LCMT1: variants seen among roughly 807,000 people sequenced by gnomAD.
LCMT1 encodes the protein leucine carboxyl methyltransferase 1, also known as [Phosphatase 2A protein]-leucine-carboxy methyltransferase 1.
A neutral mutation model predicts 47.7 loss-of-function variants in LCMT1; 32 were observed. The observed-to-expected ratio is 0.67, with a 90% CI of 0.51 to 0.90. The LOEUF (loss-of-function observed/expected upper bound fraction) is 0.90. LCMT1 is among the 40% of genes least tolerant of loss of function. The pLI, the probability that LCMT1 is intolerant of heterozygous loss-of-function variation, is 0.00. For missense variants in LCMT1, 375 were observed against 415.2 expected (o/e 0.90, Z 0.84); for synonymous variants, 152 against 149.7 (o/e 1.02, Z -0.11).
intron 4 of LCMT1, chr16:25,142,035 G>A (rs1441025762): frequency 6.6e-6 from 1 of 152,208 alleles, no homozygotes; most frequent in East Asian, 1.9e-4. Context: ...ATTCCTTATT[G>A]CGTTGTACAT....
At chr16:25,160,302 G>A (rs138252549) in intron 5 of LCMT1, among the ~76,000 whole-genome samples, 1,395 of 37,906 alleles carry the variant, frequency 0.037, 27 homozygotes, top group African/African-American at 0.12. Flanking sequence ...AATTTGGGGT[G>A]GAGCCTATCA....
At chr16:25,128,000 A>C (rs1019236938) in intron 1 of LCMT1, among the ~76,000 whole-genome samples, 2 of 152,208 alleles carry the variant, frequency 1.3e-5, no homozygotes, top group African/African-American at 4.8e-5. Context: ...AAGAAGAGTG[A>C]AATGATTGGC....
At chr16:25,177,655 C>T (rs1031558204) in intron 10 of LCMT1, among the ~76,000 whole-genome samples, 5 of 152,220 alleles carry the variant, frequency 3.3e-5, no homozygotes, top group African/African-American at 1.2e-4. Flanking sequence ...TTTGTCCCCA[C>T]TGACCCGTGA....
At chr16:25,158,453 G>A (rs1361216300) in intron 5 of LCMT1, among the ~76,000 whole-genome samples, 1 of 152,200 alleles carries the variant, frequency 6.6e-6, no homozygotes, top group Admixed American at 6.5e-5. Context: ...TCTTTAGAAA[G>A]TTCTGTAAGT....
intron 5 of LCMT1, among the ~76,000 whole-genome samples, chr16:25,152,094 A>C (rs1961099697): frequency 6.6e-6 from 1 of 152,146 alleles, no homozygotes; most frequent in Non-Finnish European, 1.5e-5. Context: ...CAAAAGGTGA[A>C]GCAGAGGACA....
intron 1 of LCMT1, among the ~76,000 whole-genome samples, chr16:25,112,925 G>A (rs1038987756): frequency 2.6e-5 from 4 of 151,940 alleles, no homozygotes; most frequent in African/African-American, 9.7e-5. Flanking sequence ...GGCAGATCAC[G>A]AGGTCAGGAG....
At position 25,140,209 on chromosome 16, in the gene LCMT1, C is replaced by G. The variant is rs1960640215; in HGVS notation, c.366C>G (p.Asp122Glu). The G allele has an allele frequency of 6.2e-7, 1 of 1,608,714 alleles. No homozygotes were observed. The stretch of plus-strand genomic sequence containing the variant: ...TCCCAAGTAAATATTTTGAGGTTGA[C>G]TTTCCAATGATTGTCACGAGAAAGC... ...DLLPSKYFEV[D>E]FPMIVTRKLH... The change falls in exon 4 of 11, where the codon GAC becomes GAG. Residue 122 changes from aspartate (D) to glutamate (E), a missense_variant. Transcript: ENST00000399069.
intron 1 of LCMT1, among the ~76,000 whole-genome samples, chr16:25,123,984 G>C (rs1960082131): frequency 6.6e-6 from 1 of 152,144 alleles, no homozygotes; most frequent in Non-Finnish European, 1.5e-5. Context: ...AATTGAGTCA[G>C]AGTTCCCACA....
At chr16:25,123,737 A>G (rs941599689) in intron 1 of LCMT1, among the ~76,000 whole-genome samples, 1 of 144,562 alleles carries the variant, frequency 6.9e-6, no homozygotes, top group South Asian at 2.1e-4. Flanking sequence ...CCTTTCTTGT[A>G]GCTGGGATTA....
intron 9 of LCMT1, 66 bp from the exon 10 acceptor site, chr16:25,174,871 C>G (rs1419037855): frequency 2.7e-6 from 2 of 741,184 alleles, no homozygotes; most frequent in Non-Finnish European, 4.3e-6. Context: ...ATATCCGTAG[C>G]TATGGGCCAT....
Position 25,170,882 on chromosome 16 carries a change from A to C in LCMT1, c.884+77A>C, listed in dbSNP as rs534685430. On this transcript the variant is annotated intron_variant, in intron 9 of 10. Transcript: ENST00000399069. ...CATGATTGCCTGTATTCTTTCATGC[A>C]GAAAAACAGAACAATATGTGGAGAT... The C allele has an allele frequency of 9.8e-6, 9 of 916,092 alleles. No homozygotes were observed. The Admixed American group carries it at 2.0e-4, about 21-fold the overall frequency. The allele number at this position is 916,092 out of a possible 1,614,324, so 56.7% of individuals were successfully genotyped here. A position where few individuals can be genotyped will look rare whatever the true frequency, so the allele number is the denominator to read the frequency against.
chr16:25,151,867 CAG>C (rs1266817123), intron 5 of LCMT1, among the ~76,000 whole-genome samples: 1 of 152,136 alleles, frequency 6.6e-6, no homozygotes, highest in Non-Finnish European at 1.5e-5. Flanking sequence ...AAGTCAACAA[CAG>C]ACACTTTGAA....
intron 8 of LCMT1, among the ~76,000 whole-genome samples, chr16:25,170,194 T>C (rs990803936): frequency 1.3e-5 from 2 of 152,130 alleles, no homozygotes; most frequent in African/African-American, 4.8e-5. Context: ...TACTCCAGCC[T>C]GGGCAACAGA....
At chr16:25,121,954 C>T (rs908447571) in intron 1 of LCMT1, among the ~76,000 whole-genome samples, 2 of 152,206 alleles carry the variant, frequency 1.3e-5, no homozygotes, top group Non-Finnish European at 1.5e-5. Flanking sequence ...TCTGCAGTTT[C>T]GTACTTTGGC....
At chr16:25,162,299 G>T (rs1476087116) in intron 6 of LCMT1, among the ~76,000 whole-genome samples, 1 of 152,096 alleles carries the variant, frequency 6.6e-6, no homozygotes, top group Non-Finnish European at 1.5e-5. Context: ...GGAAAAATGT[G>T]AGTTATAGGC....
intron 4 of LCMT1, chr16:25,148,756 C>T (rs1235780794): frequency 6.6e-6 from 1 of 152,212 alleles, no homozygotes; most frequent in Admixed American, 6.5e-5. Flanking sequence ...AGCGCTGAAT[C>T]AGTGGGGCCT....
chr16:25,112,037 G>A, intron 1 of LCMT1, 41 bp downstream of exon 1: 1 of 1,384,744 alleles, frequency 7.2e-7, no homozygotes, highest in Non-Finnish European at 1.0e-6. Context: ...CATCTGGGGC[G>A]CGGGCCTAGG....
intron 10 of LCMT1, among the ~76,000 whole-genome samples, chr16:25,177,082 A>T (rs1207229249): frequency 6.6e-6 from 1 of 151,880 alleles, no homozygotes; most frequent in African/African-American, 2.4e-5. Flanking sequence ...TGGGAGGCTG[A>T]GGCAGGAGAA....
intron 1 of LCMT1, among the ~76,000 whole-genome samples, chr16:25,117,733 A>G (rs1959841908): frequency 6.6e-6 from 1 of 152,006 alleles, no homozygotes; most frequent in African/African-American, 2.4e-5. Flanking sequence ...TGCGCCTGTA[A>G]TCTCAGCTAT....
Sources: allele counts gnomAD v4.1 joint callset (sites outside exome capture counted in the v4.1 genomes callset), GRCh38; gene constraint gnomAD v4.1.1; transcripts MANE v1.5; gene names NCBI Gene and HGNC (gene_info 2026-07-23, HGNC 2026-07-21).